Variants in RIOK2 observed in about 807,000 individuals in gnomAD.
The protein encoded by RIOK2 is serine/threonine-protein kinase RIO2.
RIOK2 carries 46 observed loss-of-function variants against 62.4 expected under a neutral mutation model. The observed-to-expected ratio is 0.74, with a 90% confidence interval of 0.58 to 0.94. The LOEUF (loss-of-function observed/expected upper bound fraction) is 0.94. Among genes scored for constraint, RIOK2 ranks in the 40% least tolerant of loss-of-function variants. The pLI is 0.00. For missense variants in RIOK2, 574 were observed against 658.0 expected (o/e 0.87, Z 1.40); for synonymous variants, 197 against 216.0 (o/e 0.91, Z 0.77).
chr5:97,180,501 G>A (rs1203084603), intron 1 of RIOK2, among the ~76,000 whole-genome samples: 1 of 151,990 alleles, frequency 6.6e-6, no homozygotes, highest in Non-Finnish European at 1.5e-5. Flanking sequence ...AAACGCGGCT[G>A]GAAGATACTT....
At position 97,170,598 on chromosome 5, in the gene RIOK2, T is replaced by A. The variant is rs533476817; in HGVS notation, c.779+608A>T. ...TTTTACCTGTTTTAACAATTGGTCT[T>A]CCATCTAAAAGTCTGTTTGAACAAA... On this transcript the variant is annotated intron_variant, in intron 6 of 9. Coordinates refer to ENST00000283109, the MANE Select transcript of RIOK2 (RefSeq NM_018343.3). Among the ~76,000 whole-genome samples the A allele has an allele frequency of 3.3e-5, 5 of 152,326 alleles. No homozygotes were observed. The South Asian group carries it at 1.0e-3, about 32-fold the overall frequency.
Position 97,179,125 on chromosome 5 carries a change from T to C in RIOK2, c.135A>G (p.Lys45=), listed in dbSNP as rs766092380. The change falls in exon 2 of 10, where the codon AAA becomes AAG. Residue 45 remains lysine, a synonymous_variant. Transcript: ENST00000283109. ...TTAAAACTTTATTACAGCCACCATG[T>C]TTAAGGCTGGCTATAGAAGCAATCA... The part of the protein sequence containing the change: ...GSLIASIASL[K]HGGCNKVLRE... The C allele has an allele frequency of 1.2e-6, 2 of 1,613,806 alleles. No homozygotes were observed. The highest frequency in any genetic ancestry group is 1.1e-5 in the South Asian group (1 of 91,078).
At chr5:97,174,161 G>A (rs145441682) in intron 4 of RIOK2, among the ~76,000 whole-genome samples, 1 of 152,286 alleles carries the variant, frequency 6.6e-6, no homozygotes, top group Non-Finnish European at 1.5e-5. Flanking sequence ...TCTCACGTCT[G>A]TAACCCCAGC....
intron 1 of RIOK2, among the ~76,000 whole-genome samples, chr5:97,180,028 AT>A (rs2093079936): frequency 3.2e-5 from 2 of 61,788 alleles, no homozygotes; most frequent in African/African-American, 6.0e-5. Context: ...TATATATATA[AT>A]ATATATATTA....
At chr5:97,166,277 G>C (rs773018474) in intron 8 of RIOK2, 1 of 454,622 alleles carries the variant, frequency 2.2e-6, no homozygotes, top group South Asian at 1.6e-5. Context: ...TCAAAATCCT[G>C]AGCCTCTGTC....
rs56224314 is a variant in RIOK2 at position 97,171,208 on chromosome 5, C to T, written c.777G>A (p.Glu259=). The change falls in exon 6 of 10, where the codon GAG becomes GAA. Residue 259 remains glutamate (E), a splice_region_variant and synonymous_variant. Transcript: ENST00000283109. ...QMVSTSHPNA[E]WYFDRDVKCI... ...ATAAAAAAATAGCAAGTACGTACCA[C>T]TCAGCATTGGGATGAGAAGTTGAAA... 5.4e-5 allele frequency: 81 copies of T among 1,503,548 alleles called. No homozygotes were observed. The East Asian group carries it at 1.8e-3, about 33-fold the overall frequency. The allele number at this position is 1,503,548 out of a possible 1,614,324, so 93.1% of individuals were successfully genotyped here.
At chr5:97,179,960 A>ATT (rs763273723) in intron 1 of RIOK2, among the ~76,000 whole-genome samples, 9,905 of 32,358 alleles carry the variant, frequency 0.31, 1,395 homozygotes, top group Middle Eastern at 0.4. Flanking sequence ...ACTTAAAAGT[A>ATT]TTTTATATAT....
At chr5:97,168,550 T>C (rs879425484) in intron 7 of RIOK2, among the ~76,000 whole-genome samples, 1 of 152,224 alleles carries the variant, frequency 6.6e-6, no homozygotes, top group Non-Finnish European at 1.5e-5. Flanking sequence ...ATATGTCCGC[T>C]TCCTAAAATT....
At chr5:97,164,364 G>T (rs948534869) in intron 9 of RIOK2, among the ~76,000 whole-genome samples, 1 of 151,968 alleles carries the variant, frequency 6.6e-6, no homozygotes, top group Non-Finnish European at 1.5e-5. Context: ...AGCCAGCCAT[G>T]GTGGTAGGCG....
At chr5:97,176,955 C>A in intron 4 of RIOK2, 161 bp downstream of exon 4, 1 of 616,996 alleles carries the variant, frequency 1.6e-6, no homozygotes, top group Non-Finnish European at 2.8e-6. Flanking sequence ...TTAAAAGAGC[C>A]CAAATAATCA....
chr5:97,176,304 A>C (rs1239501749), intron 4 of RIOK2, among the ~76,000 whole-genome samples: 1 of 152,048 alleles, frequency 6.6e-6, no homozygotes, highest in African/African-American at 2.4e-5. Context: ...CCTTTAACCC[A>C]CTTCTCTTCA....
At chr5:97,166,255 A>ACAAT (rs1430598987) in intron 8 of RIOK2, 1 of 454,402 alleles carries the variant, frequency 2.2e-6, no homozygotes, top group African/African-American at 2.0e-5. Flanking sequence ...CCAGTCTAAT[A>ACAAT]CAATCACTTA....
At chr5:97,182,356 C>G (rs1561523292) in intron 1 of RIOK2, among the ~76,000 whole-genome samples, 1 of 152,222 alleles carries the variant, frequency 6.6e-6, no homozygotes, top group African/African-American at 2.4e-5. Flanking sequence ...TTCCTCTCTT[C>G]AAAGACTTTT....
chr5:97,165,103 G>A lies in RIOK2; in HGVS notation c.1442C>T (p.Thr481Ile), dbSNP rs781573463. ...VGAMNQYRTR[T>I]LSITSSGSAV... ...ACTGCCTGAAGAAGTGATACTCAGAGTTCTTGTTCTATACTGATTCATAGC... is the reference window on the plus strand; with the variant it reads ...ACTGCCTGAAGAAGTGATACTCAGAATTCTTGTTCTATACTGATTCATAGC... Residue 481 changes from threonine to isoleucine, a missense_variant, in exon 9 of 10, where the codon ACT becomes ATT. By Grantham distance (89) the Thr-to-Ile change is moderately conservative. Coordinates refer to ENST00000283109, the MANE Select transcript of RIOK2 (RefSeq NM_018343.3). 6 of 1,579,658 alleles carry A rather than the reference G, an allele frequency of 3.8e-6. No homozygotes were observed. Among genetic ancestry groups the A allele is most frequent in the Non-Finnish European group, 4.3e-6 (5 of 1,163,864 alleles).
At chr5:97,169,137 A>C (rs972991018) in intron 6 of RIOK2, among the ~76,000 whole-genome samples, 13 of 152,180 alleles carry the variant, frequency 8.5e-5, no homozygotes, top group Admixed American at 5.2e-4. Context: ...TACACTAGGG[A>C]AAGATGAATG....
At chr5:97,167,175 C>A (rs1343314409) in intron 8 of RIOK2, 5 of 1,216,332 alleles carry the variant, frequency 4.1e-6, no homozygotes, top group Non-Finnish European at 5.1e-6. Flanking sequence ...CCTTGGCCTC[C>A]CAGAAGTGCT....
chr5:97,164,538 A>C (rs143932109), intron 9 of RIOK2, among the ~76,000 whole-genome samples: 8,688 of 151,874 alleles, frequency 0.057, 298 homozygotes, highest in Non-Finnish European at 0.073. Flanking sequence ...CAAAAACAAA[A>C]ACAAACAACA....
chr5:97,166,776 T>C (rs971445882), intron 8 of RIOK2: 1 of 986,694 alleles, frequency 1.0e-6, no homozygotes, highest in South Asian at 4.7e-5. Context: ...TATTGCATGT[T>C]TTAATATTTA....
chr5:97,163,023 T>TA lies in RIOK2; in HGVS notation c.*37dup. On this transcript the variant is annotated 3_prime_UTR_variant, in exon 10 of 10. Coordinates refer to ENST00000283109, the MANE Select transcript of RIOK2 (RefSeq NM_018343.3). ...GCTCAAAAAGGAATTACAGTAACTT[T>TA]AAAAAATATATTAAACATATCCAAG... 1 of 1,531,288 alleles carries TA rather than the reference T, an allele frequency of 6.5e-7. No homozygotes were observed. The highest frequency in any genetic ancestry group is 8.8e-7 in the Non-Finnish European group (1 of 1,130,636). The allele number at this position is 1,531,288 out of a possible 1,614,324, so 94.9% of individuals were successfully genotyped here.
Sources: allele counts gnomAD v4.1 joint callset (sites outside exome capture counted in the v4.1 genomes callset), GRCh38; gene constraint gnomAD v4.1.1; transcripts MANE v1.5; gene names NCBI Gene and HGNC (gene_info 2026-07-23, HGNC 2026-07-21).